PRKRA: variants seen among roughly 807,000 people sequenced by gnomAD.
The protein encoded by PRKRA is protein activator of interferon induced protein kinase EIF2AK2.
A neutral mutation model predicts 32.4 loss-of-function variants in PRKRA; 22 were observed. The ratio of observed to expected loss-of-function variants is 0.68; its 90% CI spans 0.49 to 0.97. PRKRA has a LOEUF of 0.97. Among genes scored for constraint, PRKRA ranks in the 50% least tolerant of loss-of-function variants. PRKRA has a pLI of 0.00. For synonymous variants in PRKRA, 139 were observed against 129.8 expected (o/e 1.07, Z -0.48); for missense variants, 319 against 375.6 (o/e 0.85, Z 1.25).
intron 4 of PRKRA, 118 bp from the exon 5 acceptor site, chr2:178,443,502 G>T: frequency 1.6e-6 from 1 of 614,736 alleles, no homozygotes; most frequent in Non-Finnish European, 2.9e-6. Context: ...GTGATATTCT[G>T]CAACAGAAAA....
At chr2:178,444,845 C>G (rs1697255446) in intron 3 of PRKRA, among the ~76,000 whole-genome samples, 1 of 152,228 alleles carries the variant, frequency 6.6e-6, no homozygotes. Context: ...CCACACCTCT[C>G]CCCTGTTCAG....
At chr2:178,434,239 T>C (rs998919232) in intron 7 of PRKRA, 2 of 151,586 alleles carry the variant, frequency 1.3e-5, no homozygotes, top group East Asian at 3.9e-4. Context: ...GCCTCCCGAG[T>C]AGCTGGGATT....
At chr2:178,446,690 C>T (rs560857744) in intron 3 of PRKRA, among the ~76,000 whole-genome samples, 222 of 152,256 alleles carry the variant, frequency 1.5e-3, no homozygotes, top group Non-Finnish European at 2.6e-3. Context: ...ATGTGAGATG[C>T]TCCAGGACCA....
At position 178,431,648 on chromosome 2, in the gene PRKRA, A is replaced by T. The variant is rs1232093709; in HGVS notation, c.*449T>A. 1 of 199,270 alleles carries T rather than the reference A, an allele frequency of 5.0e-6. No individual in the cohort carries two copies. Among genetic ancestry groups the T allele is most frequent in the Non-Finnish European group, 1.0e-5 (1 of 95,656 alleles). The allele number at this position is 199,270 out of a possible 1,614,324, so 12.3% of individuals were successfully genotyped here. On this transcript the variant is annotated 3_prime_UTR_variant, in exon 8 of 8. Coordinates refer to ENST00000325748, the MANE Select transcript of PRKRA (RefSeq NM_003690.5). ...ACAGCAGACCAATCATGTTCCCTGA[A>T]ATTTAACAATCAATCATACTTAATA...
At chr2:178,450,025 T>A in intron 2 of PRKRA, 1 of 652,976 alleles carries the variant, frequency 1.5e-6, no homozygotes, top group African/African-American at 1.8e-5. Flanking sequence ...TGGGTAACTT[T>A]TTAGTTTCTA....
intron 7 of PRKRA, among the ~76,000 whole-genome samples, chr2:178,435,383 C>CAAAAAAAAAAAAAAAAAAAAAAAAAAA (rs765962501): frequency 3.3e-5 from 2 of 61,436 alleles, no homozygotes; most frequent in Admixed American, 1.8e-4. Context: ...TACTCCGTCT[C>CAAAAAAAAAAAAAAAAAAAAAAAAAAA]AAAAAAAAAA....
intron 7 of PRKRA, chr2:178,433,284 C>T (rs1258316043): frequency 6.6e-6 from 1 of 152,204 alleles, no homozygotes; most frequent in East Asian, 1.9e-4. Flanking sequence ...TGGGCTGTTT[C>T]TACCTTTTGG....
chr2:178,446,146 C>G (rs1697306560), intron 3 of PRKRA, among the ~76,000 whole-genome samples: 1 of 152,044 alleles, frequency 6.6e-6, no homozygotes, highest in African/African-American at 2.4e-5. Flanking sequence ...ACCCAAGTAG[C>G]TGGGATTACA....
chr2:178,450,864 G>A (rs1182152031), intron 1 of PRKRA, 102 bp downstream of exon 1: 3 of 1,238,414 alleles, frequency 2.4e-6, no homozygotes, highest in Non-Finnish European at 2.0e-6. Context: ...TGGGCGCCGG[G>A]CACGGCTTTA....
intron 1 of PRKRA, 109 bp from the exon 2 acceptor site, chr2:178,450,520 T>C (rs1296680813): frequency 2.4e-5 from 35 of 1,454,676 alleles, no homozygotes; most frequent in Non-Finnish European, 2.9e-5. Flanking sequence ...GGCGCCGAGT[T>C]CCCCGGAGGC....
chr2:178,436,582 T>G (rs1281425921), intron 6 of PRKRA, among the ~76,000 whole-genome samples: 1 of 152,166 alleles, frequency 6.6e-6, no homozygotes, highest in African/African-American at 2.4e-5. Context: ...TGTTTCTCAG[T>G]CAAGTTTTCT....
rs138407740 is a variant in PRKRA, at chr2:178,447,292, A to C, written c.317+213T>G. 1,815 of 723,640 alleles carry C rather than the reference A, an allele frequency of 2.5e-3. 26 individuals carry two copies. The African/African-American group carries it at 0.03, about 12-fold the overall frequency. The allele number at this position is 723,640 out of a possible 1,614,324, so 44.8% of individuals were successfully genotyped here. ...TAAAAAAAAAAAAACAGTAAAGCCT[A>C]GTTCATGAGCACCTTCATTTAATAG... is the stretch of plus-strand genomic sequence containing the variant. On this transcript the variant is annotated intron_variant, in intron 3 of 7. Transcript: ENST00000325748.
rs555460912 is a variant in PRKRA, at chr2:178,449,797, A to G, written c.235+445T>C. Among the ~76,000 whole-genome samples, 4 of 152,370 alleles carry G rather than the reference A, an allele frequency of 2.6e-5. No individual in the cohort carries two copies. In the East Asian group the frequency reaches 7.7e-4, roughly 29 times the overall value. On this transcript the variant is annotated intron_variant, in intron 2 of 7. Coordinates refer to ENST00000325748, the MANE Select transcript of PRKRA (RefSeq NM_003690.5). ...TACAGAATCAAAAGTAGCACAATGG[A>G]CCTAAAGTGCCAAATGAGTCCATAC...
intron 3 of PRKRA, among the ~76,000 whole-genome samples, chr2:178,447,087 A>G (rs113414267): frequency 0.029 from 4,477 of 151,788 alleles, 202 homozygotes; most frequent in African/African-American, 0.096. Flanking sequence ...TATACATTAT[A>G]TAATAAAAGA....
intron 7 of PRKRA, among the ~76,000 whole-genome samples, chr2:178,433,048 A>C: frequency 6.6e-6 from 1 of 152,328 alleles, no homozygotes; most frequent in East Asian, 1.9e-4. Context: ...TATTTTTGAT[A>C]CTCTATTTAG....
At position 178,450,894 on chromosome 2, in the gene PRKRA, G is replaced by A. The variant is rs1347272087; in HGVS notation, c.65+72C>T. 121 of 1,506,406 alleles carry A rather than the reference G, an allele frequency of 8.0e-5. 4 individuals are homozygous for A. The highest frequency in any genetic ancestry group is 6.6e-4 in the South Asian group (53 of 80,906). 93.3% of individuals were successfully genotyped at this position (1,506,406 alleles called of 1,614,324 possible). On this transcript the variant is annotated intron_variant, in intron 1 of 7. Coordinates refer to ENST00000325748, the MANE Select transcript of PRKRA (RefSeq NM_003690.5). ...GCTTTACCCAGAATGCCTCTGGAGG[G>A]CCGGCTCCCCGCGCCCCGGCCCTGC...
intron 7 of PRKRA, among the ~76,000 whole-genome samples, chr2:178,434,767 C>T (rs534527862): frequency 2.4e-4 from 37 of 152,234 alleles, no homozygotes; most frequent in Non-Finnish European, 2.9e-4. Context: ...CCCTGACAAG[C>T]AAGGTCCCCA....
chr2:178,450,396 TATC>T lies in PRKRA; in HGVS notation c.78_80del (p.Met26del), dbSNP rs1697527671. On this transcript the variant is annotated inframe_deletion, in exon 2 of 8. Coordinates refer to ENST00000325748, the MANE Select transcript of PRKRA (RefSeq NM_003690.5). The stretch of plus-strand genomic sequence containing the variant: ...TCGGTGTTTTCCCTGGCTTAGCTGT[TATC>T]ATCTTCCCCAAACTGCAAAAACCAC... The T allele has an allele frequency of 6.2e-7, 1 of 1,614,266 alleles. No individual in the cohort carries two copies. The highest frequency in any genetic ancestry group is 8.5e-7 in the Non-Finnish European group (1 of 1,180,052).
Position 178,444,494 on chromosome 2 carries a change from T to C in PRKRA, c.324A>G (p.Ala108=), listed in dbSNP as rs1276176731. The change falls in exon 4 of 8, where the codon GCA becomes GCG. Residue 108 remains alanine (A), a synonymous_variant. Coordinates refer to ENST00000325748, the MANE Select transcript of PRKRA (RefSeq NM_003690.5). The part of the protein sequence containing the change: ...ILKANASICF[A]VPDPLMPDPS... ...GGTCAGGCATTAAGGGGTCAGGAAC[T>C]GCAAAGCTAAATATTTTTTAAAAGT... 1.9e-6 allele frequency: 3 copies of C among 1,585,584 alleles called. No homozygotes were observed. Among genetic ancestry groups the C allele is most frequent in the Non-Finnish European group, 2.6e-6 (3 of 1,154,114 alleles).
Sources: gnomAD v4.1 joint callset for allele counts (sites outside exome capture counted in the v4.1 genomes callset) on GRCh38, gnomAD v4.1.1 for gene constraint, MANE v1.5 for transcripts, NCBI Gene and HGNC (gene_info 2026-07-23, HGNC 2026-07-21) for gene names.